The following LYRM4 variants were observed in gnomAD, a reference collection of about 807,000 sequenced individuals.
The protein encoded by LYRM4 is LYR motif-containing protein 4.
LYRM4 carries 9 observed loss-of-function variants against 11.7 expected under a neutral mutation model. That is an observed-to-expected ratio of 0.77 (90% CI 0.46 to 1.34). LYRM4 has a LOEUF of 1.34. Among genes scored for constraint, LYRM4 ranks in the 40% most tolerant of loss-of-function variants. LYRM4 has a pLI of 0.00. For synonymous variants in LYRM4, 42 were observed against 40.4 expected, an observed-to-expected ratio of 1.04 and a Z score of -0.15; for missense variants, 133 against 112.5, an observed-to-expected ratio of 1.18 and a Z score of -0.82.
chr6:5,229,587 C>T (rs1305427796), intron 1 of LYRM4, among the ~76,000 whole-genome samples: 1 of 152,160 alleles, frequency 6.6e-6, no homozygotes, highest in Non-Finnish European at 1.5e-5. Context: ...TCCTCTGACT[C>T]AGCCCCCTAA....
At chr6:5,182,122 A>C (rs1435451619) in intron 2 of LYRM4, among the ~76,000 whole-genome samples, 2 of 152,226 alleles carry the variant, frequency 1.3e-5, no homozygotes, top group African/African-American at 4.8e-5. Context: ...TGCCCTGTCC[A>C]GGAATCAGGT....
Position 5,245,722 on chromosome 6 carries a change from A to G in LYRM4, c.86+14926T>C, listed in dbSNP as rs1764167068. Among the ~76,000 whole-genome samples the G allele has an allele frequency of 2.0e-5, 3 of 152,172 alleles. No homozygotes were observed. The South Asian group carries it at 6.2e-4, about 32-fold the overall frequency. Reference sequence around the variant, plus strand: ...TCAGATCAGAACAAAATAAATGTACAATTACAAGTGGTGCAAGTGTCACTG... The same window carrying G: ...TCAGATCAGAACAAAATAAATGTACGATTACAAGTGGTGCAAGTGTCACTG... On this transcript the variant is annotated intron_variant, in intron 1 of 2. Coordinates refer to ENST00000330636, the MANE Select transcript of LYRM4 (RefSeq NM_020408.6).
chr6:5,182,763 G>A (rs1300625572), intron 2 of LYRM4, among the ~76,000 whole-genome samples: 2 of 152,220 alleles, frequency 1.3e-5, no homozygotes, highest in African/African-American at 4.8e-5. Context: ...AGTAATCAGT[G>A]TGGCCTGTAT....
At chr6:5,075,219 T>C in the LYRM4 span, among the ~76,000 whole-genome samples, 2 of 152,194 alleles carry the variant, frequency 1.3e-5, no homozygotes, top group African/African-American at 4.8e-5. Flanking sequence ...CAGTCTCAGA[T>C]ATTTATAGCA....
At chr6:5,058,768 T>TTA in the LYRM4 span, among the ~76,000 whole-genome samples, 10 of 152,124 alleles carry the variant, frequency 6.6e-5, no homozygotes, top group Admixed American at 5.9e-4. Context: ...CCCACTATTT[T>TTA]TATATATATA....
At chr6:5,259,176 T>G (rs1005550468) in intron 1 of LYRM4, among the ~76,000 whole-genome samples, 1 of 152,252 alleles carries the variant, frequency 6.6e-6, no homozygotes, top group African/African-American at 2.4e-5. Flanking sequence ...AACTGCCTGC[T>G]GATTCCAAGT....
intron 2 of LYRM4, among the ~76,000 whole-genome samples, chr6:5,138,452 C>G (rs991333380): frequency 2.1e-4 from 25 of 117,248 alleles, no homozygotes; most frequent in African/African-American, 7.5e-4. Context: ...GCCAACTGTA[C>G]TTCAGCCTGG....
the LYRM4 span, among the ~76,000 whole-genome samples, chr6:5,059,330 C>T: frequency 1.1e-4 from 15 of 141,054 alleles, no homozygotes; most frequent in South Asian, 2.6e-3. Flanking sequence ...AACAGAGCAG[C>T]GCCCTGTCTC....
intron 2 of LYRM4, among the ~76,000 whole-genome samples, chr6:5,179,608 C>T (rs1759955156): frequency 6.6e-6 from 1 of 152,158 alleles, no homozygotes; most frequent in Admixed American, 6.5e-5. Context: ...AATTTCCTTC[C>T]TTTTTAAGGC....
At chr6:5,117,357 C>A (rs555525599) in intron 2 of LYRM4, among the ~76,000 whole-genome samples, 1 of 152,170 alleles carries the variant, frequency 6.6e-6, no homozygotes, top group Non-Finnish European at 1.5e-5. Context: ...GAGATTGAGA[C>A]CATCCTGGCA....
the LYRM4 span, chr6:5,085,550 C>T: frequency 7.1e-6 from 11 of 1,541,174 alleles, no homozygotes; most frequent in Non-Finnish European, 7.9e-6. Context: ...CGAGAGGCCC[C>T]GCCGGCCGAG....
rs1038768483 is a variant in LYRM4, at chr6:5,138,377, G to A, written c.208-28886C>T. 3.3e-5 allele frequency among the ~76,000 whole-genome samples: 5 copies of A among 150,750 alleles called. No homozygotes were observed. In the South Asian group the frequency reaches 6.3e-4, roughly 19 times the overall value. On this transcript the variant is annotated intron_variant, in intron 2 of 2. Coordinates refer to ENST00000330636, the MANE Select transcript of LYRM4 (RefSeq NM_020408.6). ...CACACGCCTGTAGTCCCAACTACTC[G>A]GGAGGCTGAGGTGGGAGGATCACCT...
the LYRM4 span, among the ~76,000 whole-genome samples, chr6:5,064,937 C>G: frequency 6.6e-6 from 1 of 152,128 alleles, no homozygotes; most frequent in East Asian, 1.9e-4. Flanking sequence ...CGGTGTTGCA[C>G]ATCCTACGGG....
At chr6:5,233,448 A>G (rs1763360342) in intron 1 of LYRM4, among the ~76,000 whole-genome samples, 1 of 152,234 alleles carries the variant, frequency 6.6e-6, no homozygotes, top group South Asian at 2.1e-4. Context: ...AAGAAAAGTT[A>G]GGGACCTGGA....
intron 2 of LYRM4, among the ~76,000 whole-genome samples, chr6:5,138,487 CAAAAAAAAAAAAA>C (rs765741377): frequency 8.1e-5 from 4 of 49,666 alleles, no homozygotes; most frequent in Admixed American, 3.6e-4. Flanking sequence ...ACCCTGTCTC[CAAAAAAAAAAAAA>C]AAAAAAAAAA....
intron 2 of LYRM4, among the ~76,000 whole-genome samples, chr6:5,125,701 A>G (rs1763670374): frequency 6.6e-6 from 1 of 152,208 alleles, no homozygotes; most frequent in Non-Finnish European, 1.5e-5. Context: ...ATGTACTCAT[A>G]TGAACTAGGA....
chr6:5,223,436 C>G (rs1362295862), intron 1 of LYRM4, among the ~76,000 whole-genome samples: 2 of 152,168 alleles, frequency 1.3e-5, no homozygotes, highest in African/African-American at 4.8e-5. Flanking sequence ...GAGCTGGGTT[C>G]TGAACCCAGT....
chr6:5,125,534 C>T (rs960680690), intron 2 of LYRM4, among the ~76,000 whole-genome samples: 1 of 152,174 alleles, frequency 6.6e-6, no homozygotes, highest in African/African-American at 2.4e-5. Flanking sequence ...AAGGAGTCAC[C>T]TGTGTAAGGT....
chr6:5,179,065 C>CAAAAAAAAAAAAAAAAAAA (rs58749743), intron 2 of LYRM4, among the ~76,000 whole-genome samples: 4 of 103,906 alleles, frequency 3.8e-5, no homozygotes, highest in Non-Finnish European at 7.8e-5. Flanking sequence ...ACCAAAAAAA[C>CAAAAAAAAAAAAAAAAAAA]AAAAAAAAAA....
Sources: allele counts gnomAD v4.1 joint callset (sites outside exome capture counted in the v4.1 genomes callset), GRCh38; gene constraint gnomAD v4.1.1; transcripts MANE v1.5; gene names NCBI Gene and HGNC (gene_info 2026-07-23, HGNC 2026-07-21).